UNC13C: variants seen among roughly 807,000 people sequenced by gnomAD.
UNC13C encodes the protein unc-13 homolog C.
UNC13C carries 174 observed loss-of-function variants against 245.4 expected under a neutral mutation model. The observed-to-expected ratio is 0.71, with a 90% confidence interval of 0.63 to 0.80. The LOEUF (loss-of-function observed/expected upper bound fraction) is 0.80, where lower values mean the gene tolerates loss of function less well. UNC13C is among the 30% of genes least tolerant of loss of function. The pLI is 0.00. For missense variants in UNC13C, 2,829 were observed against 2,602.9 expected, an observed-to-expected ratio of 1.09 and a Z score of -1.89; for synonymous variants, 992 against 895.1, an observed-to-expected ratio of 1.11 and a Z score of -1.93.
chr15:54,327,391 T>C (rs1398449365), intron 14 of UNC13C, among the ~76,000 whole-genome samples: 1 of 148,296 alleles, frequency 6.7e-6, no homozygotes, highest in East Asian at 2.0e-4. Flanking sequence ...ATTTTTATAA[T>C]TTTTTTTTTT....
intron 5 of UNC13C, 85 bp from the exon 6 acceptor site, chr15:54,236,345 T>C: frequency 9.6e-7 from 1 of 1,044,880 alleles, no homozygotes; most frequent in East Asian, 2.4e-5. Context: ...AGTGTTAGGC[T>C]AATTTAACAT....
intron 2 of UNC13C, among the ~76,000 whole-genome samples, chr15:54,024,787 C>G (rs763451695): frequency 6.6e-6 from 1 of 152,006 alleles, no homozygotes; most frequent in Admixed American, 6.6e-5. Flanking sequence ...TGGTCCCGGG[C>G]GCCTGTAGAC....
intron 24 of UNC13C, among the ~76,000 whole-genome samples, chr15:54,520,221 T>G (rs1264819945): frequency 6.6e-6 from 1 of 151,992 alleles, no homozygotes; most frequent in Non-Finnish European, 1.5e-5. Flanking sequence ...GATAAAACAT[T>G]TCAGAGATAT....
chr15:54,357,404 C>A (rs986692295), intron 17 of UNC13C, among the ~76,000 whole-genome samples: 3 of 151,992 alleles, frequency 2.0e-5, no homozygotes, highest in Non-Finnish European at 4.4e-5. Context: ...CATTATCCAA[C>A]AGGACTTTCT....
chr15:54,114,813 T>C (rs1370716032), intron 2 of UNC13C, among the ~76,000 whole-genome samples: 2 of 152,144 alleles, frequency 1.3e-5, no homozygotes, highest in South Asian at 2.1e-4. Context: ...CAGCATTACA[T>C]GAATGTTTCC....
chr15:54,120,303 CT>C (rs2030578659), intron 2 of UNC13C, among the ~76,000 whole-genome samples: 1 of 152,060 alleles, frequency 6.6e-6, no homozygotes, highest in African/African-American at 2.4e-5. Context: ...ATCCTAGAGC[CT>C]TTGGGAATTA....
chr15:54,148,036 G>C (rs2032355362), intron 4 of UNC13C, among the ~76,000 whole-genome samples: 1 of 152,152 alleles, frequency 6.6e-6, no homozygotes. Context: ...AACTAGGCTG[G>C]TAACTTCTGT....
At position 54,620,383 on chromosome 15, in the gene UNC13C, G is replaced by GACGTT. The variant is rs1311213096; in HGVS notation, c.6107-1941_6107-1937dup. Among the ~76,000 whole-genome samples the GACGTT allele has an allele frequency of 7.2e-5, 11 of 152,228 alleles. No individual in the cohort carries two copies. The East Asian group carries it at 2.1e-3, about 29-fold the overall frequency. On this transcript the variant is annotated intron_variant, in intron 30 of 32. Coordinates refer to ENST00000260323, the MANE Select transcript of UNC13C (RefSeq NM_001080534.3). ...TAAAGGTTTTAGGCACATTTCCTTA[G>GACGTT]ACGTTACTTGTTTTAAAACAGCATA...
At chr15:54,594,659 C>G (rs562051433) in intron 30 of UNC13C, among the ~76,000 whole-genome samples, 2 of 152,242 alleles carry the variant, frequency 1.3e-5, no homozygotes, top group East Asian at 3.9e-4. Context: ...ACTGTAGGGC[C>G]GGTCTCACTT....
chr15:54,562,436 A>G (rs1239408891), intron 29 of UNC13C, among the ~76,000 whole-genome samples: 2 of 152,046 alleles, frequency 1.3e-5, no homozygotes, highest in Non-Finnish European at 2.9e-5. Context: ...AGACTCTCAG[A>G]ATTGGAAACA....
chr15:54,606,632 T>A (rs1345309247), intron 30 of UNC13C, among the ~76,000 whole-genome samples: 1 of 152,242 alleles, frequency 6.6e-6, no homozygotes, highest in Non-Finnish European at 1.5e-5. Flanking sequence ...CATTGTTCAA[T>A]CCTCGTAGTA....
the UNC13C span, chr15:53,914,079 T>C: frequency 6.6e-6 from 1 of 152,084 alleles, no homozygotes; most frequent in African/African-American, 2.4e-5. Flanking sequence ...GTCAGGCCTA[T>C]GTGCCCAGAA....
At chr15:54,247,205 G>C (rs1025444144) in intron 7 of UNC13C, among the ~76,000 whole-genome samples, 2 of 152,086 alleles carry the variant, frequency 1.3e-5, no homozygotes, top group Admixed American at 6.6e-5. Context: ...GTAAACTATA[G>C]ACTTTCATTT....
chr15:54,337,762 G>A (rs2038625133), intron 16 of UNC13C, among the ~76,000 whole-genome samples: 1 of 151,972 alleles, frequency 6.6e-6, no homozygotes, highest in Non-Finnish European at 1.5e-5. Context: ...CTAAAATTAG[G>A]CCATTTTGCT....
intron 17 of UNC13C, among the ~76,000 whole-genome samples, chr15:54,368,278 A>G (rs989288958): frequency 1.2e-4 from 18 of 152,058 alleles, no homozygotes; most frequent in Admixed American, 5.2e-4. Flanking sequence ...GATCTAATGG[A>G]ATTTGTTTTC....
chr15:54,062,387 T>A (rs1462888728), intron 2 of UNC13C, among the ~76,000 whole-genome samples: 2 of 152,096 alleles, frequency 1.3e-5, no homozygotes, highest in African/African-American at 4.8e-5. Flanking sequence ...AGGTCGTAGT[T>A]TCCTATAGAG....
intron 1 of UNC13C, among the ~76,000 whole-genome samples, chr15:54,009,276 T>G (rs1895274745): frequency 6.6e-6 from 1 of 152,190 alleles, no homozygotes; most frequent in Admixed American, 6.5e-5. Context: ...CTAGCAGAAT[T>G]CTTAGATTGC....
At chr15:54,250,580 C>T in intron 8 of UNC13C, 136 bp downstream of exon 8, 1 of 730,118 alleles carries the variant, frequency 1.4e-6, no homozygotes, top group Non-Finnish European at 2.2e-6. Context: ...CACAAAGATA[C>T]ACATACTGTC....
At chr15:53,872,348 ATTTT>A in the UNC13C span, among the ~76,000 whole-genome samples, 1 of 151,254 alleles carries the variant, frequency 6.6e-6, no homozygotes, top group African/African-American at 2.4e-5. Flanking sequence ...CCATTCATAG[ATTTT>A]TTTTTTTCTT....
Sources: allele counts gnomAD v4.1 joint callset (sites outside exome capture counted in the v4.1 genomes callset), GRCh38; gene constraint gnomAD v4.1.1; transcripts MANE v1.5; gene names NCBI Gene and HGNC (gene_info 2026-07-23, HGNC 2026-07-21).